EFCAB6: variants seen among roughly 807,000 people sequenced by gnomAD.
EFCAB6 encodes EF-hand calcium-binding domain-containing protein 6.
EFCAB6 carries 156 observed loss-of-function variants against 169.8 expected under a neutral mutation model. The ratio of observed to expected loss-of-function variants is 0.92; its 90% CI spans 0.81 to 1.05. EFCAB6 has a LOEUF of 1.05. Ranked by LOEUF, EFCAB6 falls within the 50% of genes least tolerant of loss-of-function variation. The pLI, the probability that EFCAB6 is intolerant of heterozygous loss-of-function variation, is 0.00. For missense variants in EFCAB6, 1,800 were observed against 1,829.1 expected (o/e 0.98, Z 0.29); for synonymous variants, 698 against 676.4 (o/e 1.03, Z -0.50).
chr22:43,713,793 G>A (rs574104783), intron 9 of EFCAB6, among the ~76,000 whole-genome samples: 1 of 152,306 alleles, frequency 6.6e-6, no homozygotes, highest in South Asian at 2.1e-4. Context: ...CTGTAGAGCA[G>A]TGAAAATGAT....
At chr22:43,629,614 C>T (rs574584311) in intron 19 of EFCAB6, among the ~76,000 whole-genome samples, 1 of 152,084 alleles carries the variant, frequency 6.6e-6, no homozygotes, top group African/African-American at 2.4e-5. Context: ...ACTGCAGCAC[C>T]CTGCGGGCTG....
At chr22:43,665,678 T>G (rs1015709710) in intron 17 of EFCAB6, among the ~76,000 whole-genome samples, 2 of 152,214 alleles carry the variant, frequency 1.3e-5, no homozygotes, top group African/African-American at 4.8e-5. Context: ...TGGCTACCAC[T>G]CACTCCATTG....
At chr22:43,648,458 C>G (rs116819689) in intron 17 of EFCAB6, among the ~76,000 whole-genome samples, 3,045 of 152,254 alleles carry the variant, frequency 0.02, 105 homozygotes, top group African/African-American at 0.07. Context: ...TATACAGGAA[C>G]AGAAAACCAA....
At chr22:43,781,899 A>T (rs950264335) in intron 3 of EFCAB6, among the ~76,000 whole-genome samples, 5 of 152,144 alleles carry the variant, frequency 3.3e-5, no homozygotes, top group Admixed American at 3.3e-4. Flanking sequence ...TAATTTACTG[A>T]GTGAGTTTTT....
chr22:43,765,484 G>A, intron 4 of EFCAB6, 91 bp from the exon 5 acceptor site: 1 of 916,368 alleles, frequency 1.1e-6, no homozygotes, highest in Non-Finnish European at 1.8e-6. Flanking sequence ...CAGCTCTCAG[G>A]ATGTAACAGA....
intron 28 of EFCAB6, among the ~76,000 whole-genome samples, chr22:43,539,604 C>T (rs992120987): frequency 2.0e-5 from 3 of 152,180 alleles, no homozygotes; most frequent in Admixed American, 6.5e-5. Context: ...CACCTTCCTC[C>T]GTCCCAGGCC....
At chr22:43,799,573 T>C (rs951407727) in intron 2 of EFCAB6, among the ~76,000 whole-genome samples, 2 of 152,184 alleles carry the variant, frequency 1.3e-5, no homozygotes, top group African/African-American at 4.8e-5. Flanking sequence ...ATGTTGGAAG[T>C]ACACAGGAAC....
At chr22:43,772,256 C>T (rs915389831) in intron 4 of EFCAB6, among the ~76,000 whole-genome samples, 1 of 152,168 alleles carries the variant, frequency 6.6e-6, no homozygotes, top group Admixed American at 6.5e-5. Flanking sequence ...AGCCAATGCT[C>T]CGTAACTATT....
chr22:43,634,662 A>T (rs1005520176), intron 18 of EFCAB6, among the ~76,000 whole-genome samples: 2 of 119,654 alleles, frequency 1.7e-5, no homozygotes, highest in Non-Finnish European at 3.4e-5. Flanking sequence ...GTTTCCTAAC[A>T]TCCGGTGGGG....
chr22:43,534,651 C>T (rs775727812), intron 30 of EFCAB6, 37 bp downstream of exon 30: 1 of 1,560,852 alleles, frequency 6.4e-7, no homozygotes, highest in East Asian at 2.3e-5. Context: ...CGCCCCTTTC[C>T]ACCTGGCCCC....
rs373526885 is a variant in EFCAB6 at position 43,576,705 on chromosome 22, T to C, written c.3229-217A>G. Among the ~76,000 whole-genome samples the C allele has an allele frequency of 4.1e-4, 62 of 152,244 alleles. 3 individuals carry two copies. The South Asian group carries it at 0.013, about 31-fold the overall frequency. ...GGAGCTTATGAGTTCTAGAGGAAAT[T>C]TGCCTTACTTGCTCCTATTTGGATG... On this transcript the variant is annotated intron_variant, in intron 25 of 31. Transcript: ENST00000262726.
At chr22:43,629,662 A>G (rs942558186) in intron 19 of EFCAB6, among the ~76,000 whole-genome samples, 1 of 152,168 alleles carries the variant, frequency 6.6e-6, no homozygotes, top group African/African-American at 2.4e-5. Flanking sequence ...GGGAATGTGC[A>G]GTGGCAACCT....
chr22:43,724,518 C>T (rs916593899), intron 8 of EFCAB6, among the ~76,000 whole-genome samples: 4 of 151,982 alleles, frequency 2.6e-5, no homozygotes, highest in African/African-American at 7.3e-5. Context: ...CAGGCACACG[C>T]CACCACGCCC....
chr22:43,663,336 A>G (rs568526392), intron 17 of EFCAB6, among the ~76,000 whole-genome samples: 6 of 152,264 alleles, frequency 3.9e-5, no homozygotes, highest in African/African-American at 1.4e-4. Flanking sequence ...TCTAACCTAA[A>G]TCCTTTCTTT....
At chr22:43,713,338 T>C (rs548823091) in intron 9 of EFCAB6, among the ~76,000 whole-genome samples, 27 of 152,352 alleles carry the variant, frequency 1.8e-4, no homozygotes, top group Admixed American at 4.6e-4. Flanking sequence ...TAAAAGTGGG[T>C]ATATTTTTAT....
At chr22:43,789,847 TCACACACACACACACA>T (rs34752280) in intron 2 of EFCAB6, among the ~76,000 whole-genome samples, 1 of 143,302 alleles carries the variant, frequency 7.0e-6, no homozygotes, top group Non-Finnish European at 1.5e-5. Context: ...TGGCTAACCT[TCACACACACACACACA>T]CACACACACA....
chr22:43,554,092 G>C (rs2048548263), intron 27 of EFCAB6: 1 of 152,404 alleles, frequency 6.6e-6, no homozygotes, highest in African/African-American at 2.4e-5. Context: ...CAGGCGTGGG[G>C]ACCGACTGCC....
At chr22:43,794,274 A>G (rs936334128) in intron 2 of EFCAB6, among the ~76,000 whole-genome samples, 1 of 152,204 alleles carries the variant, frequency 6.6e-6, no homozygotes, top group African/African-American at 2.4e-5. Context: ...CCGAGCATCT[A>G]TTTTGCTGGG....
At chr22:43,542,366 G>A (rs2047786545) in intron 27 of EFCAB6, among the ~76,000 whole-genome samples, 1 of 152,178 alleles carries the variant, frequency 6.6e-6, no homozygotes, top group Non-Finnish European at 1.5e-5. Context: ...GATCACCTGA[G>A]GTCAGGCGTT....
Sources: gnomAD v4.1 joint callset for allele counts (sites outside exome capture counted in the v4.1 genomes callset) on GRCh38, gnomAD v4.1.1 for gene constraint, MANE v1.5 for transcripts, NCBI Gene and HGNC (gene_info 2026-07-23, HGNC 2026-07-21) for gene names.